The following SPOCK3 variants were observed in gnomAD, a reference collection of about 807,000 sequenced individuals.
The protein encoded by SPOCK3 is SPARC (osteonectin), cwcv and kazal like domains proteoglycan 3.
A neutral mutation model predicts 56.6 loss-of-function variants in SPOCK3; 30 were observed. The ratio of observed to expected loss-of-function variants is 0.53; its 90% confidence interval spans 0.40 to 0.72. The LOEUF (loss-of-function observed/expected upper bound fraction) is 0.72, where lower values mean the gene tolerates loss of function less well. Among genes scored for constraint, SPOCK3 ranks in the 30% least tolerant of loss-of-function variants. The pLI is 0.00. For synonymous variants in SPOCK3, 196 were observed against 183.3 expected (o/e 1.07, Z -0.56); for missense variants, 527 against 530.0 (o/e 0.99, Z 0.06).
rs549583930 is a variant in SPOCK3, at chr4:167,144,955, G to A, written c.190-82418C>T. Among the ~76,000 whole-genome samples the A allele has an allele frequency of 2.0e-5, 3 of 151,794 alleles. No individual in the cohort carries two copies. The East Asian group carries it at 5.8e-4, about 30-fold the overall frequency. ...CAGGCATCTCAAAATTAATAGTGTT[G>A]ATAAAAGCTCATTTTATTTTCAGAA... On this transcript the variant is annotated intron_variant, in intron 2 of 10. Transcript: ENST00000357545.
chr4:166,835,408 T>A (rs1016840249), intron 6 of SPOCK3, among the ~76,000 whole-genome samples: 1 of 152,084 alleles, frequency 6.6e-6, no homozygotes, highest in South Asian at 2.1e-4. Context: ...ACAAAACAAA[T>A]CCTTTATTTT....
chr4:166,999,202 T>C (rs1231854393), intron 4 of SPOCK3, among the ~76,000 whole-genome samples: 4 of 152,194 alleles, frequency 2.6e-5, no homozygotes, highest in Non-Finnish European at 5.9e-5. Context: ...TGATATACCA[T>C]GATTCTAACC....
intron 7 of SPOCK3, among the ~76,000 whole-genome samples, chr4:166,764,660 G>A (rs1156464064): frequency 3.9e-5 from 6 of 152,118 alleles, no homozygotes; most frequent in African/African-American, 1.2e-4. Context: ...ACATGTGCAT[G>A]TGCCTTTATA....
chr4:167,063,365 C>T (rs926586526), intron 2 of SPOCK3, among the ~76,000 whole-genome samples: 1 of 151,796 alleles, frequency 6.6e-6, no homozygotes, highest in African/African-American at 2.4e-5. Context: ...AAAGATATCA[C>T]TGTTGAAATT....
intron 2 of SPOCK3, among the ~76,000 whole-genome samples, chr4:167,136,357 A>T (rs558878727): frequency 6.6e-6 from 1 of 152,154 alleles, no homozygotes; most frequent in African/African-American, 2.4e-5. Context: ...ATGCTTTGAA[A>T]TTTTTTCTTA....
chr4:167,090,792 C>A (rs190512162), intron 2 of SPOCK3, among the ~76,000 whole-genome samples: 1 of 152,084 alleles, frequency 6.6e-6, no homozygotes, highest in Non-Finnish European at 1.5e-5. Context: ...CATGAGCCAC[C>A]GAGCTCAGCT....
chr4:166,752,047 G>GAGGT (rs377036274), intron 8 of SPOCK3, among the ~76,000 whole-genome samples: 1 of 151,874 alleles, frequency 6.6e-6, no homozygotes, highest in Non-Finnish European at 1.5e-5. Flanking sequence ...TGTTGTTGTT[G>GAGGT]AGGTAGGGTC....
intron 2 of SPOCK3, among the ~76,000 whole-genome samples, chr4:167,186,721 A>G (rs972908690): frequency 6.6e-6 from 1 of 152,026 alleles, no homozygotes; most frequent in Non-Finnish European, 1.5e-5. Flanking sequence ...TCATGCCTGT[A>G]ATCACAGTAT....
chr4:167,229,101 C>A (rs1736880419), intron 2 of SPOCK3, among the ~76,000 whole-genome samples: 1 of 152,082 alleles, frequency 6.6e-6, no homozygotes, highest in Non-Finnish European at 1.5e-5. Flanking sequence ...AATGTTGTTT[C>A]ATAGTGAGAA....
chr4:167,031,865 C>G (rs944335558), intron 3 of SPOCK3, among the ~76,000 whole-genome samples: 15 of 152,002 alleles, frequency 9.9e-5, no homozygotes, highest in African/African-American at 3.1e-4. Flanking sequence ...TGCTGCCATT[C>G]AAATTCAGTT....
intron 3 of SPOCK3, among the ~76,000 whole-genome samples, chr4:167,044,143 G>A (rs1753500334): frequency 6.6e-6 from 1 of 151,884 alleles, no homozygotes; most frequent in South Asian, 2.1e-4. Context: ...TACTAAAATT[G>A]ACTATTTCTT....
intron 2 of SPOCK3, among the ~76,000 whole-genome samples, chr4:167,210,087 C>T (rs1264565006): frequency 6.6e-6 from 1 of 152,154 alleles, no homozygotes; most frequent in Non-Finnish European, 1.5e-5. Flanking sequence ...TTGGAAATAA[C>T]TTCAGATCCT....
At chr4:167,180,410 A>C (rs1307017979) in intron 2 of SPOCK3, among the ~76,000 whole-genome samples, 1 of 152,172 alleles carries the variant, frequency 6.6e-6, no homozygotes, top group Non-Finnish European at 1.5e-5. Flanking sequence ...GGACATCACC[A>C]TGTGAGCAGC....
intron 2 of SPOCK3, among the ~76,000 whole-genome samples, chr4:167,198,226 A>G (rs1004311051): frequency 5.3e-5 from 8 of 152,174 alleles, no homozygotes; most frequent in African/African-American, 1.9e-4. Context: ...TAATACTATC[A>G]TAAACTTCTT....
chr4:166,989,490 T>G (rs1024321846), intron 4 of SPOCK3, among the ~76,000 whole-genome samples: 1 of 152,150 alleles, frequency 6.6e-6, no homozygotes, highest in Non-Finnish European at 1.5e-5. Context: ...GAAATTCCAG[T>G]ATTTTTTGTG....
chr4:166,888,982 C>T (rs754969571), intron 6 of SPOCK3, 148 bp downstream of exon 6: 1 of 620,282 alleles, frequency 1.6e-6, no homozygotes, highest in East Asian at 2.8e-5. Flanking sequence ...TTGAGGCTAA[C>T]AGGAAAATAT....
At chr4:167,018,957 A>G (rs932908673) in intron 3 of SPOCK3, among the ~76,000 whole-genome samples, 1 of 152,088 alleles carries the variant, frequency 6.6e-6, no homozygotes, top group Non-Finnish European at 1.5e-5. Context: ...CTAGTTCTCA[A>G]GTCCCTCAAG....
chr4:167,037,696 CAAA>C (rs1752888300), intron 3 of SPOCK3, among the ~76,000 whole-genome samples: 1 of 152,076 alleles, frequency 6.6e-6, no homozygotes, highest in Non-Finnish European at 1.5e-5. Context: ...GGAAGAGAAA[CAAA>C]GAAGTCACTA....
chr4:167,209,745 A>G (rs1412309808), intron 2 of SPOCK3, among the ~76,000 whole-genome samples: 1 of 152,130 alleles, frequency 6.6e-6, no homozygotes, highest in Non-Finnish European at 1.5e-5. Flanking sequence ...AATTGGGGAC[A>G]CTCAGACAAC....
Sources: gnomAD v4.1 joint callset for allele counts (sites outside exome capture counted in the v4.1 genomes callset) on GRCh38, gnomAD v4.1.1 for gene constraint, MANE v1.5 for transcripts, NCBI Gene and HGNC (gene_info 2026-07-23, HGNC 2026-07-21) for gene names.